Variants in FNDC3B observed in about 807,000 individuals in gnomAD.
FNDC3B encodes fibronectin type III domain-containing protein 3B.
A neutral mutation model predicts 151.5 loss-of-function variants in FNDC3B; 12 were observed. That is an observed-to-expected ratio of 0.08 (90% CI 0.05 to 0.13). The LOEUF is 0.13. Among genes scored for constraint, FNDC3B ranks in the 10% least tolerant of loss-of-function variants. The pLI, the probability that FNDC3B is intolerant of heterozygous loss-of-function variation, is 1.00. For synonymous variants in FNDC3B, 528 were observed against 549.0 expected (o/e 0.96, Z 0.54); for missense variants, 1,214 against 1,505.3 (o/e 0.81, Z 3.20).
chr3:172,044,580 G>C (rs1716270461), intron 1 of FNDC3B, among the ~76,000 whole-genome samples: 1 of 152,072 alleles, frequency 6.6e-6, no homozygotes, highest in African/African-American at 2.4e-5. Flanking sequence ...TCAACTGCAG[G>C]TAAGGCGTCA....
At chr3:172,377,633 G>A (rs533010290) in intron 23 of FNDC3B, among the ~76,000 whole-genome samples, 15 of 152,190 alleles carry the variant, frequency 9.9e-5, no homozygotes. Flanking sequence ...AGTCCAAACT[G>A]TCCAGCCCAC....
At chr3:172,300,180 T>A (rs1214204752) in intron 9 of FNDC3B, among the ~76,000 whole-genome samples, 1 of 152,232 alleles carries the variant, frequency 6.6e-6, no homozygotes, top group Admixed American at 6.5e-5. Flanking sequence ...GAAGCTAAGA[T>A]GATAATAGAA....
chr3:172,315,363 C>A (rs541108683), intron 11 of FNDC3B, among the ~76,000 whole-genome samples: 1 of 152,090 alleles, frequency 6.6e-6, no homozygotes, highest in Non-Finnish European at 1.5e-5. Flanking sequence ...GGCGACAGAG[C>A]GAGACTTGTC....
intron 1 of FNDC3B, among the ~76,000 whole-genome samples, chr3:172,111,016 T>A (rs1719932608): frequency 3.3e-5 from 5 of 150,478 alleles, no homozygotes; most frequent in Admixed American, 3.3e-4. Flanking sequence ...GGAGAATCGC[T>A]TGAACCTGGG....
Position 172,330,633 on chromosome 3 carries a change from T to C in FNDC3B, c.1472T>C (p.Val491Ala). 20 of 1,614,184 alleles carry C rather than the reference T, an allele frequency of 1.2e-5. No individual in the cohort carries two copies. The highest frequency in any genetic ancestry group is 1.6e-4 in the Middle Eastern group (1 of 6,062). Residue 491 changes from valine to alanine, a missense_variant, in exon 13 of 26, where the codon GTC (valine) becomes GCC (alanine). Val to Ala is a moderately conservative substitution (Grantham distance 64). Coordinates refer to ENST00000415807, the MANE Select transcript of FNDC3B (RefSeq NM_022763.4). ...CTGGTTCGAGCTGGCATCACATGGG[T>C]CACGTTGCAGTGGAGTAAGCCAGAA... The part of the protein sequence containing the change: ...PRLVRAGITW[V>A]TLQWSKPEGC...
intron 3 of FNDC3B, among the ~76,000 whole-genome samples, chr3:172,149,673 T>G (rs1219285218): frequency 5.9e-5 from 9 of 152,010 alleles, no homozygotes; most frequent in African/African-American, 1.7e-4. Flanking sequence ...CTACATAAAT[T>G]TCTCTAAAAT....
chr3:172,354,540 G>A (rs1733998133), intron 22 of FNDC3B, among the ~76,000 whole-genome samples: 1 of 151,362 alleles, frequency 6.6e-6, no homozygotes, highest in African/African-American at 2.4e-5. Flanking sequence ...AGACCAACTG[G>A]TTTATAGCTT....
At chr3:172,306,894 G>A (rs1401301804) in intron 9 of FNDC3B, 1 of 157,460 alleles carries the variant, frequency 6.4e-6, no homozygotes, top group Non-Finnish European at 1.4e-5. Context: ...AGTATTAAAT[G>A]TAGTTCAAAG....
chr3:172,364,484 A>G lies in FNDC3B; in HGVS notation c.3008+1639A>G, dbSNP rs143629746. ...TCCCAATTCCCCGTGCCCTGCCTCC[A>G]CTGCCATCTTAGAAATGTGGGAAGT... is the stretch of plus-strand genomic sequence containing the variant. On this transcript the variant is annotated intron_variant, in intron 23 of 25. Coordinates refer to ENST00000415807, the MANE Select transcript of FNDC3B (RefSeq NM_022763.4). Among the ~76,000 whole-genome samples the G allele has an allele frequency of 8.5e-5, 13 of 152,326 alleles. No individual in the cohort carries two copies. The East Asian group carries it at 2.5e-3, about 29-fold the overall frequency.
intron 6 of FNDC3B, among the ~76,000 whole-genome samples, chr3:172,263,819 G>C (rs1728785880): frequency 6.6e-6 from 1 of 152,100 alleles, no homozygotes; most frequent in Non-Finnish European, 1.5e-5. Flanking sequence ...CATGAGGACT[G>C]TTTAGAGTAA....
At chr3:172,359,382 A>G (rs1413743998) in intron 22 of FNDC3B, among the ~76,000 whole-genome samples, 1 of 152,160 alleles carries the variant, frequency 6.6e-6, no homozygotes, top group Admixed American at 6.5e-5. Flanking sequence ...GGGTAGGATC[A>G]CCTAGAATAC....
At position 172,043,354 on chromosome 3, in the gene FNDC3B, T is replaced by C. The variant is rs566833249; in HGVS notation, c.-29+3583T>C. Among the ~76,000 whole-genome samples, 11 of 151,986 alleles carry C rather than the reference T, an allele frequency of 7.2e-5. No individual in the cohort carries two copies. The South Asian group carries it at 2.3e-3, about 32-fold the overall frequency. ...AGCTTGGTCATATTGCTCTTTATTT[T>C]ACTTTGAGACAGACTCTCGCTCTGT... On this transcript the variant is annotated intron_variant, in intron 1 of 25. Coordinates refer to ENST00000415807, the MANE Select transcript of FNDC3B (RefSeq NM_022763.4).
At chr3:172,304,551 C>G (rs2050488526) in intron 9 of FNDC3B, among the ~76,000 whole-genome samples, 1 of 152,186 alleles carries the variant, frequency 6.6e-6, no homozygotes, top group African/African-American at 2.4e-5. Flanking sequence ...CCTGCTCCAT[C>G]TAAAGCGGGG....
chr3:172,388,703 C>T (rs1421012582), intron 25 of FNDC3B, among the ~76,000 whole-genome samples: 1 of 152,236 alleles, frequency 6.6e-6, no homozygotes, highest in African/African-American at 2.4e-5. Context: ...TGTCCGTGGC[C>T]ATGTCTGGAC....
chr3:172,378,555 C>A, intron 24 of FNDC3B, 119 bp downstream of exon 24: 1 of 958,936 alleles, frequency 1.0e-6, no homozygotes, highest in Non-Finnish European at 1.5e-6. Flanking sequence ...ATCAAAAGAA[C>A]ATTCTAAAGA....
chr3:172,266,681 T>C (rs1223147541), intron 6 of FNDC3B, among the ~76,000 whole-genome samples: 1 of 152,176 alleles, frequency 6.6e-6, no homozygotes, highest in Non-Finnish European at 1.5e-5. Context: ...GCCACATCAC[T>C]CCAGCTTCAA....
chr3:172,359,212 T>C (rs1412198735), intron 22 of FNDC3B, among the ~76,000 whole-genome samples: 3 of 152,194 alleles, frequency 2.0e-5, no homozygotes, highest in Non-Finnish European at 4.4e-5. Context: ...TCTTGATACT[T>C]GTATCTTCTA....
chr3:172,267,397 C>A (rs1250521044), intron 6 of FNDC3B, among the ~76,000 whole-genome samples: 1 of 152,134 alleles, frequency 6.6e-6, no homozygotes, highest in African/African-American at 2.4e-5. Flanking sequence ...CTCAAAGGGT[C>A]CTCCTGCCTC....
At chr3:172,334,876 A>G (rs1483812316) in intron 14 of FNDC3B, 68 bp from the exon 15 acceptor site, 1 of 1,495,250 alleles carries the variant, frequency 6.7e-7, no homozygotes. Flanking sequence ...ACCATGTTAA[A>G]AAGTGACCAT....
Sources: gnomAD v4.1 joint callset for allele counts (sites outside exome capture counted in the v4.1 genomes callset) on GRCh38, gnomAD v4.1.1 for gene constraint, MANE v1.5 for transcripts, NCBI Gene and HGNC (gene_info 2026-07-23, HGNC 2026-07-21) for gene names.